Variants in FXR1 observed in about 807,000 individuals in gnomAD.
FXR1 encodes FMR1 autosomal homolog 1, also known as RNA-binding protein FXR1.
A neutral mutation model predicts 84.0 loss-of-function variants in FXR1; 15 were observed. That is an observed-to-expected ratio of 0.18 (90% CI 0.12 to 0.27). The LOEUF is 0.27. FXR1 is among the 10% of genes least tolerant of loss of function. The pLI is 1.00. For synonymous variants in FXR1, 245 were observed against 250.7 expected (o/e 0.98, Z 0.21); for missense variants, 480 against 774.4 (o/e 0.62, Z 4.51).
In FXR1 at chr3:180,971,083, GA is replaced by G. The variant is rs769011065; in HGVS notation, c.1603+733del. On this transcript the variant is annotated intron_variant, in intron 15 of 16. Transcript: ENST00000357559. ...AAACTTTGCAATTACAGATGATAGT[GA>G]AAAAAAACCCCAGCGACGCAATCGT... 60 of 1,229,266 alleles carry G rather than the reference GA, an allele frequency of 4.9e-5. No homozygotes were observed. Among genetic ancestry groups the G allele is most frequent in the Admixed American group, 2.1e-4 (8 of 37,834 alleles). 76.1% of individuals were successfully genotyped at this position (1,229,266 alleles called of 1,614,324 possible). A position where few individuals can be genotyped will look rare whatever the true frequency, so the allele number is the denominator to read the frequency against.
intron 1 of FXR1, among the ~76,000 whole-genome samples, chr3:180,931,693 A>G (rs1719918248): frequency 6.6e-6 from 1 of 151,690 alleles, no homozygotes; most frequent in African/African-American, 2.4e-5. Flanking sequence ...ATTTGCTTAG[A>G]AAAATGTCTA....
At chr3:180,932,323 C>T (rs920788483) in intron 1 of FXR1, among the ~76,000 whole-genome samples, 2 of 152,102 alleles carry the variant, frequency 1.3e-5, no homozygotes, top group African/African-American at 4.8e-5. Flanking sequence ...AAAGTATTTC[C>T]TATGTACACC....
At chr3:180,917,171 G>C (rs529902225) in intron 1 of FXR1, among the ~76,000 whole-genome samples, 7 of 152,112 alleles carry the variant, frequency 4.6e-5, no homozygotes, top group African/African-American at 1.7e-4. Flanking sequence ...TGCTTCCACC[G>C]TGTAACTGTC....
chr3:180,926,491 TA>T (rs1719201599), intron 1 of FXR1, among the ~76,000 whole-genome samples: 2 of 103,492 alleles, frequency 1.9e-5, no homozygotes, highest in South Asian at 2.8e-4. Flanking sequence ...TATATATATA[TA>T]TATATATATA....
intron 3 of FXR1, among the ~76,000 whole-genome samples, chr3:180,941,556 C>A (rs987065017): frequency 6.6e-6 from 1 of 152,034 alleles, no homozygotes; most frequent in Admixed American, 6.6e-5. Context: ...AAGTTTGATT[C>A]TTTTGGCCAG....
rs978570505 is a variant in FXR1 at position 180,929,008 on chromosome 3, A to G, written c.52-4326A>G. ...GCTTTCTCGGCTCACTGCAGCCTCC[A>G]CCTCCTGGGATCAAGTGATTCTCCT... On this transcript the variant is annotated intron_variant, in intron 1 of 16. Coordinates refer to ENST00000357559, the MANE Select transcript of FXR1 (RefSeq NM_005087.4). Among the ~76,000 whole-genome samples, 111 of 151,578 alleles carry G rather than the reference A, an allele frequency of 7.3e-4. 1 individual carries two copies. Among genetic ancestry groups the G allele is most frequent in the Middle Eastern group, 3.4e-3 (1 of 294 alleles).
chr3:180,926,508 T>TATATATA (rs1560164955), intron 1 of FXR1, among the ~76,000 whole-genome samples: 124 of 116,748 alleles, frequency 1.1e-3, no homozygotes, highest in Non-Finnish European at 1.8e-3. Context: ...ATATATATAT[T>TATATATA]TTTTTTTCTG....
chr3:180,914,369 C>T (rs942731937), intron 1 of FXR1, among the ~76,000 whole-genome samples: 1 of 152,016 alleles, frequency 6.6e-6, no homozygotes, highest in African/African-American at 2.4e-5. Context: ...TCACCCCCCA[C>T]CCCTTTCCCG....
intron 1 of FXR1, among the ~76,000 whole-genome samples, chr3:180,924,053 G>C (rs1239197679): frequency 6.6e-6 from 1 of 152,012 alleles, no homozygotes; most frequent in Non-Finnish European, 1.5e-5. Flanking sequence ...CTGCCTCTCG[G>C]GTTCAAGTGA....
intron 1 of FXR1, among the ~76,000 whole-genome samples, chr3:180,918,131 C>T (rs939092079): frequency 7.3e-5 from 11 of 151,682 alleles, no homozygotes; most frequent in African/African-American, 1.5e-4. Flanking sequence ...ATTATTTTTC[C>T]GTATTTTTAC....
intron 1 of FXR1, among the ~76,000 whole-genome samples, chr3:180,926,504 A>ATTTTTTTT (rs1289994089): frequency 6.3e-5 from 6 of 95,306 alleles, no homozygotes; most frequent in Non-Finnish European, 1.1e-4. Context: ...ATATATATAT[A>ATTTTTTTT]TATTTTTTTT....
At chr3:180,975,267 A>C in intron 15 of FXR1, 46 bp from the exon 16 acceptor site, 1 of 749,808 alleles carries the variant, frequency 1.3e-6, no homozygotes, top group Non-Finnish European at 2.2e-6. Flanking sequence ...AATAAACTTT[A>C]GAAATATTTT....
At chr3:180,941,140 T>A (rs1054223171) in intron 3 of FXR1, among the ~76,000 whole-genome samples, 2 of 152,110 alleles carry the variant, frequency 1.3e-5, no homozygotes, top group African/African-American at 4.8e-5. Context: ...ATAAAAATTA[T>A]CTGAGGTAAG....
chr3:180,960,618 A>G (rs1356162956), intron 10 of FXR1, among the ~76,000 whole-genome samples: 1 of 151,908 alleles, frequency 6.6e-6, no homozygotes, highest in African/African-American at 2.4e-5. Context: ...GGCATGTGCT[A>G]CCCTGCCAGC....
intron 2 of FXR1, 36 bp downstream of exon 2, chr3:180,933,422 G>A: frequency 8.0e-7 from 1 of 1,245,528 alleles, no homozygotes; most frequent in Non-Finnish European, 1.2e-6. Flanking sequence ...CTTAATTTTA[G>A]AGATGGCAGT....
intron 16 of FXR1, among the ~76,000 whole-genome samples, chr3:180,975,768 T>G (rs1468436513): frequency 6.6e-6 from 1 of 152,216 alleles, no homozygotes; most frequent in African/African-American, 2.4e-5. Context: ...TATGTAAATG[T>G]GATTTCTCAA....
chr3:180,915,294 T>C (rs1717750860), intron 1 of FXR1: 1 of 524,394 alleles, frequency 1.9e-6, no homozygotes, highest in Non-Finnish European at 3.3e-6. Context: ...GGTGTCAGCA[T>C]TTATCAAGAT....
chr3:180,918,241 C>T (rs1444025080), intron 1 of FXR1, among the ~76,000 whole-genome samples: 1 of 151,902 alleles, frequency 6.6e-6, no homozygotes, highest in African/African-American at 2.4e-5. Flanking sequence ...ATGTATTAAG[C>T]TTCTATATGT....
intron 15 of FXR1, among the ~76,000 whole-genome samples, chr3:180,973,316 A>G (rs538027719): frequency 1.8e-4 from 26 of 146,688 alleles, no homozygotes; most frequent in African/African-American, 6.4e-4. Flanking sequence ...CTCTGTACAC[A>G]GTGGATGAAA....
Sources: gnomAD v4.1 joint callset for allele counts (sites outside exome capture counted in the v4.1 genomes callset) on GRCh38, gnomAD v4.1.1 for gene constraint, MANE v1.5 for transcripts, NCBI Gene and HGNC (gene_info 2026-07-23, HGNC 2026-07-21) for gene names.